GREM1: variants seen among roughly 807,000 people sequenced by gnomAD.
GREM1 encodes the protein gremlin-1.
GREM1 carries 6 observed loss-of-function variants against 13.1 expected under a neutral mutation model. The observed-to-expected ratio is 0.46, with a 90% CI of 0.25 to 0.91. The LOEUF (loss-of-function observed/expected upper bound fraction) is 0.91. GREM1 is among the 40% of genes least tolerant of loss of function. The pLI is 0.18. For synonymous variants in GREM1, 98 were observed against 93.7 expected (o/e 1.05, Z -0.27); for missense variants, 185 against 233.9 (o/e 0.79, Z 1.36).
Position 32,733,245 on chromosome 15 carries a change from A to C in GREM1, c.*2000A>C, listed in dbSNP as rs2055651760. On this transcript the variant is annotated 3_prime_UTR_variant, in exon 2 of 2. Coordinates refer to ENST00000651154, the MANE Select transcript of GREM1 (RefSeq NM_013372.7). The stretch of plus-strand genomic sequence containing the variant: ...TGTCCACATTCTCCAACAATAAAGC[A>C]CAGAGTGGATTTAATTAAGCACACA... The C allele has an allele frequency of 4.4e-6, 1 of 225,518 alleles. No homozygotes were observed. The highest frequency in any genetic ancestry group is 2.3e-5 in the African/African-American group (1 of 44,162). 14.0% of individuals were successfully genotyped at this position (225,518 alleles called of 1,614,324 possible). A position where few individuals can be genotyped will look rare whatever the true frequency, so the allele number is the denominator to read the frequency against.
chr15:32,719,666 A>G (rs1173586086), intron 1 of GREM1, among the ~76,000 whole-genome samples: 1 of 152,192 alleles, frequency 6.6e-6, no homozygotes, highest in Admixed American at 6.5e-5. Context: ...GTGCCAGGAC[A>G]CGAACTGATT....
At chr15:32,718,226 A>C in intron 1 of GREM1, 65 bp downstream of exon 1, 1 of 1,236,454 alleles carries the variant, frequency 8.1e-7, no homozygotes, top group Non-Finnish European at 1.1e-6. Flanking sequence ...AAACCAACCC[A>C]GGACCCGCTC....
In GREM1 at chr15:32,734,038, T is replaced by G. The variant is rs894709644; in HGVS notation, c.*2793T>G. On this transcript the variant is annotated 3_prime_UTR_variant, in exon 2 of 2. Transcript: ENST00000651154. ...TTTGGTCACTGTGATTTCAAGCATG[T>G]TTTCTTTTTCTCCTTTATATGACTT... 1 of 242,630 alleles carries G rather than the reference T, an allele frequency of 4.1e-6. No homozygotes were observed. Among genetic ancestry groups the G allele is most frequent in the Non-Finnish European group, 8.7e-6 (1 of 114,874 alleles). The allele number at this position is 242,630 out of a possible 1,614,324, so 15.0% of individuals were successfully genotyped here.
chr15:32,721,074 T>C (rs2055397977), intron 1 of GREM1, among the ~76,000 whole-genome samples: 1 of 152,170 alleles, frequency 6.6e-6, no homozygotes, highest in African/African-American at 2.4e-5. Flanking sequence ...GAGAATTGCT[T>C]GAAACCGGGA....
chr15:32,733,908 G>A lies in GREM1; in HGVS notation c.*2663G>A. 4.2e-6 allele frequency: 1 copy of A among 240,252 alleles called. No individual in the cohort carries two copies. The highest frequency in any genetic ancestry group is 8.8e-6 in the Non-Finnish European group (1 of 113,256). 14.9% of individuals were successfully genotyped at this position (240,252 alleles called of 1,614,324 possible). ...TGTTACTGTAGGTCTTCAAAGTTAA[G>A]AGTGTAAGTGAAAAATCTGGAGGAG... is the stretch of plus-strand genomic sequence containing the variant. On this transcript the variant is annotated 3_prime_UTR_variant, in exon 2 of 2. Transcript: ENST00000651154.
intron 1 of GREM1, among the ~76,000 whole-genome samples, chr15:32,725,041 T>C (rs1045446542): frequency 2.7e-5 from 3 of 111,476 alleles, no homozygotes; most frequent in Non-Finnish European, 6.7e-5. Context: ...CTATCATTGA[T>C]GAGCACTTGG....
Position 32,740,083 on chromosome 15 carries a change from A to G in GREM1, c.*8838A>G, listed in dbSNP as rs187727722. On this transcript the variant is annotated 3_prime_UTR_variant, in exon 2 of 2. Coordinates refer to ENST00000651154, the MANE Select transcript of GREM1 (RefSeq NM_013372.7). Reference sequence around the variant, plus strand: ...CCTACATTTCCCTGGAGAAGGAATGATTTGTTAAAGGCCCCCAAATCACTG... The same window carrying G: ...CCTACATTTCCCTGGAGAAGGAATGGTTTGTTAAAGGCCCCCAAATCACTG... The G allele has an allele frequency of 1.3e-5, 2 of 152,346 alleles. No individual in the cohort carries two copies. The highest frequency in any genetic ancestry group is 3.9e-4 in the East Asian group (2 of 5,170). The allele number at this position is 152,346 out of a possible 1,614,324, so 9.4% of individuals were successfully genotyped here.
At position 32,737,840 on chromosome 15, in the gene GREM1, A is replaced by C. The variant is rs150299068; in HGVS notation, c.*6595A>C. 1 of 146,146 alleles carries C rather than the reference A, an allele frequency of 6.8e-6. No homozygotes were observed. Among genetic ancestry groups the C allele is most frequent in the African/African-American group, 2.5e-5 (1 of 39,954 alleles). The allele number at this position is 146,146 out of a possible 1,614,324, so 9.1% of individuals were successfully genotyped here. A position where few individuals can be genotyped will look rare whatever the true frequency, so the allele number is the denominator to read the frequency against. On this transcript the variant is annotated 3_prime_UTR_variant, in exon 2 of 2. Coordinates refer to ENST00000651154, the MANE Select transcript of GREM1 (RefSeq NM_013372.7). ...CTGCTTGGGAGGCTGAGGCAGGAGA[A>C]TCGGTTGAACCCAGGAGGTGGAGGT...
At chr15:32,723,640 A>G (rs1210355107) in intron 1 of GREM1, among the ~76,000 whole-genome samples, 1 of 151,010 alleles carries the variant, frequency 6.6e-6, no homozygotes, top group African/African-American at 2.4e-5. Context: ...AAAAAAAAAA[A>G]AGCCTGTCTG....
chr15:32,718,410 G>A lies in GREM1; in HGVS notation c.-2+249G>A, dbSNP rs1307476964. The A allele has an allele frequency of 8.3e-6, 4 of 482,604 alleles. No individual in the cohort carries two copies. The East Asian group carries it at 2.1e-4, about 25-fold the overall frequency. The allele number at this position is 482,604 out of a possible 1,614,324, so 29.9% of individuals were successfully genotyped here. A position where few individuals can be genotyped will look rare whatever the true frequency, so the allele number is the denominator to read the frequency against. ...AAAAGTTGTCAGGAGCGGGCAGGAT[G>A]ACCCCCACATCCCGTTTCCACCTCC... is the stretch of plus-strand genomic sequence containing the variant. On this transcript the variant is annotated intron_variant, in intron 1 of 1. Transcript: ENST00000651154.
chr15:32,744,301 C>A lies in GREM1; in HGVS notation c.*13056C>A, dbSNP rs1033851207. 6.6e-6 allele frequency: 1 copy of A among 152,288 alleles called. No homozygotes were observed. Among genetic ancestry groups the A allele is most frequent in the East Asian group, 1.9e-4 (1 of 5,172 alleles). 9.4% of individuals were successfully genotyped at this position (152,288 alleles called of 1,614,324 possible). On this transcript the variant is annotated 3_prime_UTR_variant, in exon 2 of 2. Coordinates refer to ENST00000651154, the MANE Select transcript of GREM1 (RefSeq NM_013372.7). ...AGAAAGTTTCAGACAGGGCTGGGCG[C>A]GGTGGCTCACACCTGTTAATCCCAG...
In GREM1 at chr15:32,745,013, T is replaced by G. The variant is rs2055794316; in HGVS notation, c.*13768T>G. The G allele has an allele frequency of 6.6e-6, 1 of 152,180 alleles. No individual in the cohort carries two copies. The highest frequency in any genetic ancestry group is 6.5e-5 in the Admixed American group (1 of 15,282). The allele number at this position is 152,180 out of a possible 1,614,324, so 9.4% of individuals were successfully genotyped here. A position where few individuals can be genotyped will look rare whatever the true frequency, so the allele number is the denominator to read the frequency against. On this transcript the variant is annotated 3_prime_UTR_variant, in exon 2 of 2. Coordinates refer to ENST00000651154, the MANE Select transcript of GREM1 (RefSeq NM_013372.7). ...ACACATCATTTTGTTTGGTTCTCATTAATTTTGAGAGAAAGGCAAGATAGA... is the reference window on the plus strand; with the variant it reads ...ACACATCATTTTGTTTGGTTCTCATGAATTTTGAGAGAAAGGCAAGATAGA...
Position 32,732,599 on chromosome 15 carries a change from C to T in GREM1, c.*1354C>T. The stretch of plus-strand genomic sequence containing the variant: ...GATATGACCTCCCTTTCTTTATGTG[C>T]TCACTGAGGATCTGAGGGGACCCTG... On this transcript the variant is annotated 3_prime_UTR_variant, in exon 2 of 2. Coordinates refer to ENST00000651154, the MANE Select transcript of GREM1 (RefSeq NM_013372.7). 4.1e-6 allele frequency: 1 copy of T among 245,466 alleles called. No homozygotes were observed. 15.2% of individuals were successfully genotyped at this position (245,466 alleles called of 1,614,324 possible). A position where few individuals can be genotyped will look rare whatever the true frequency, so the allele number is the denominator to read the frequency against.
chr15:32,732,566 A>G lies in GREM1; in HGVS notation c.*1321A>G, dbSNP rs3812933. The G allele has an allele frequency of 0.017, 4,093 of 246,278 alleles. 302 individuals carry two copies. The East Asian group carries it at 0.18, about 11-fold the overall frequency. The allele number at this position is 246,278 out of a possible 1,614,324, so 15.3% of individuals were successfully genotyped here. A position where few individuals can be genotyped will look rare whatever the true frequency, so the allele number is the denominator to read the frequency against. On this transcript the variant is annotated 3_prime_UTR_variant, in exon 2 of 2. Transcript: ENST00000651154. ...AGTTAGGTGTTAATACCTGGTAGAGATGTAAGGGATATGACCTCCCTTTCT... is the reference window on the plus strand; with the variant it reads ...AGTTAGGTGTTAATACCTGGTAGAGGTGTAAGGGATATGACCTCCCTTTCT...
rs1363880977 is a variant in GREM1 at position 32,735,362 on chromosome 15, A to T, written c.*4117A>T. Reference sequence around the variant, plus strand: ...TTGTTTCTCACTCAATCTTCACGGTAGCTCAGTGAGGTAGGTACCATTATC... The same window carrying T: ...TTGTTTCTCACTCAATCTTCACGGTTGCTCAGTGAGGTAGGTACCATTATC... On this transcript the variant is annotated 3_prime_UTR_variant, in exon 2 of 2. Transcript: ENST00000651154. 1.3e-5 allele frequency: 2 copies of T among 152,228 alleles called. No homozygotes were observed. Among genetic ancestry groups the T allele is most frequent in the Non-Finnish European group, 2.9e-5 (2 of 68,036 alleles). 9.4% of individuals were successfully genotyped at this position (152,228 alleles called of 1,614,324 possible). A position where few individuals can be genotyped will look rare whatever the true frequency, so the allele number is the denominator to read the frequency against.
At chr15:32,729,909 G>GC in intron 1 of GREM1, among the ~76,000 whole-genome samples, 1 of 152,164 alleles carries the variant, frequency 6.6e-6, no homozygotes, top group Non-Finnish European at 1.5e-5. Flanking sequence ...GAGAGGTGAA[G>GC]CCTCATGAGT....
chr15:32,730,862 C>T lies in GREM1; in HGVS notation c.172C>T (p.Arg58Trp), dbSNP rs1345351965. 1 of 1,613,420 alleles carries T rather than the reference C, an allele frequency of 6.2e-7. No individual in the cohort carries two copies. Among genetic ancestry groups the T allele is most frequent in the Non-Finnish European group, 8.5e-7 (1 of 1,179,736 alleles). Residue 58 changes from arginine (R) to tryptophan (W), a missense_variant, in exon 2 of 2, where the codon CGG becomes TGG. Transcript: ENST00000651154. ...QSPQQPGSRNRGRGQGRGTAM... is the reference protein window; with the variant it reads ...QSPQQPGSRNWGRGQGRGTAM... ...GCCCCAGCAGCCTGGCTCCAGGAAC[C>T]GGGGGCGGGGCCAAGGGCGGGGCAC...
intron 1 of GREM1, among the ~76,000 whole-genome samples, chr15:32,729,705 C>T (rs1450604705): frequency 1.3e-5 from 2 of 152,250 alleles, no homozygotes; most frequent in African/African-American, 4.8e-5. Context: ...ATTTATTCAG[C>T]ATGCCCATGC....
At position 32,733,655 on chromosome 15, in the gene GREM1, C is replaced by G. The variant is rs1479836650; in HGVS notation, c.*2410C>G. Reference sequence around the variant, plus strand: ...AGTACAAATGTGGTGTGTCTTCCAACTTTCATTGAAAATGCCATATCTATA... The same window carrying G: ...AGTACAAATGTGGTGTGTCTTCCAAGTTTCATTGAAAATGCCATATCTATA... On this transcript the variant is annotated 3_prime_UTR_variant, in exon 2 of 2. Coordinates refer to ENST00000651154, the MANE Select transcript of GREM1 (RefSeq NM_013372.7). The G allele has an allele frequency of 4.4e-6, 1 of 226,734 alleles. No individual in the cohort carries two copies. The highest frequency in any genetic ancestry group is 9.6e-6 in the Non-Finnish European group (1 of 104,702). The allele number at this position is 226,734 out of a possible 1,614,324, so 14.0% of individuals were successfully genotyped here. A position where few individuals can be genotyped will look rare whatever the true frequency, so the allele number is the denominator to read the frequency against.
Sources: allele counts gnomAD v4.1 joint callset (sites outside exome capture counted in the v4.1 genomes callset), GRCh38; gene constraint gnomAD v4.1.1; transcripts MANE v1.5; gene names NCBI Gene and HGNC (gene_info 2026-07-23, HGNC 2026-07-21).